SMYD3: variants seen among roughly 807,000 people sequenced by gnomAD.
SMYD3 encodes histone-lysine N-methyltransferase SMYD3.
A neutral mutation model predicts 57.7 loss-of-function variants in SMYD3; 36 were observed. The ratio of observed to expected loss-of-function variants is 0.62; its 90% confidence interval spans 0.48 to 0.82. SMYD3 has a LOEUF of 0.82. SMYD3 is among the 40% of genes least tolerant of loss of function. The pLI is 0.00. For synonymous variants in SMYD3, 211 were observed against 195.0 expected (o/e 1.08, Z -0.68); for missense variants, 515 against 538.8 (o/e 0.96, Z 0.44).
chr1:245,837,535 G>A (rs886849785), intron 10 of SMYD3, among the ~76,000 whole-genome samples: 3 of 152,108 alleles, frequency 2.0e-5, no homozygotes, highest in African/African-American at 4.8e-5. Context: ...ACGTACACGA[G>A]GGAAGAAGCA....
chr1:246,419,133 C>T (rs763506987), intron 1 of SMYD3, among the ~76,000 whole-genome samples: 1 of 152,184 alleles, frequency 6.6e-6, no homozygotes, highest in Non-Finnish European at 1.5e-5. Context: ...ATCCACCCCC[C>T]ACTAGCAAAA....
intron 5 of SMYD3, among the ~76,000 whole-genome samples, chr1:245,948,163 G>C (rs564922284): frequency 6.6e-6 from 1 of 152,296 alleles, no homozygotes; most frequent in South Asian, 2.1e-4. Context: ...AGTTAGGTAA[G>C]AGGGGCCTCA....
At chr1:246,307,271 A>G (rs949448865) in intron 5 of SMYD3, among the ~76,000 whole-genome samples, 2 of 152,190 alleles carry the variant, frequency 1.3e-5, no homozygotes, top group African/African-American at 2.4e-5. Context: ...AGTCACCTTA[A>G]GTGGCTCTTT....
intron 5 of SMYD3, among the ~76,000 whole-genome samples, chr1:246,298,288 GC>G (rs2064832336): frequency 6.6e-6 from 1 of 151,926 alleles, no homozygotes; most frequent in Non-Finnish European, 1.5e-5. Flanking sequence ...AAACATAAGT[GC>G]ATACTAATAT....
At chr1:246,363,918 TA>T (rs1461297610) in intron 1 of SMYD3, among the ~76,000 whole-genome samples, 1 of 150,750 alleles carries the variant, frequency 6.6e-6, no homozygotes, top group Non-Finnish European at 1.5e-5. Context: ...GAATGATCAA[TA>T]AAAAAATAAA....
chr1:245,837,764 C>G (rs1185248452), intron 10 of SMYD3, among the ~76,000 whole-genome samples: 1 of 152,166 alleles, frequency 6.6e-6, no homozygotes, highest in African/African-American at 2.4e-5. Context: ...GTTCAATCCT[C>G]TGAAACACTC....
chr1:245,771,920 C>T (rs761071409), intron 10 of SMYD3, among the ~76,000 whole-genome samples: 5 of 152,168 alleles, frequency 3.3e-5, no homozygotes, highest in African/African-American at 1.2e-4. Context: ...CCTCAGAACA[C>T]GGAGAACTAC....
In SMYD3 at chr1:245,948,803, G is replaced by A. The variant is rs532311020; in HGVS notation, c.532-18866C>T. Among the ~76,000 whole-genome samples, 19 of 152,242 alleles carry A rather than the reference G, an allele frequency of 1.2e-4. No homozygotes were observed. In the East Asian group the frequency reaches 3.7e-3, roughly 29 times the overall value. ...CCACCATGCACATACAAGTACCCTA[G>A]GACAGGTTAACCCACCTGCAGCCAC... On this transcript the variant is annotated intron_variant, in intron 5 of 11. Coordinates refer to ENST00000490107, the MANE Select transcript of SMYD3 (RefSeq NM_001167740.2).
At chr1:246,136,790 T>G (rs2061672129) in intron 5 of SMYD3, among the ~76,000 whole-genome samples, 1 of 152,204 alleles carries the variant, frequency 6.6e-6, no homozygotes, top group Non-Finnish European at 1.5e-5. Context: ...AGGCTGGAAC[T>G]AAGATGCAGA....
chr1:245,795,224 G>T (rs1316280817), intron 10 of SMYD3, among the ~76,000 whole-genome samples: 2 of 152,148 alleles, frequency 1.3e-5, no homozygotes, highest in African/African-American at 4.8e-5. Flanking sequence ...CTTGGCTCAG[G>T]CCCTGGTCAG....
intron 5 of SMYD3, among the ~76,000 whole-genome samples, chr1:246,265,526 A>G (rs1343519038): frequency 6.6e-6 from 1 of 152,188 alleles, no homozygotes; most frequent in Non-Finnish European, 1.5e-5. Context: ...AAGAGACAAG[A>G]GGCTGACTCC....
At chr1:246,151,783 C>T (rs1165357654) in intron 5 of SMYD3, among the ~76,000 whole-genome samples, 9 of 152,112 alleles carry the variant, frequency 5.9e-5, no homozygotes, top group Admixed American at 5.9e-4. Flanking sequence ...TGTGCATTCC[C>T]AAGGATTCAG....
intron 10 of SMYD3, among the ~76,000 whole-genome samples, chr1:245,771,021 A>G (rs2046309854): frequency 6.6e-6 from 1 of 151,904 alleles, no homozygotes. Flanking sequence ...GAGAAAGGAG[A>G]GAATGGGGCA....
At chr1:246,070,249 T>A (rs2060419799) in intron 5 of SMYD3, among the ~76,000 whole-genome samples, 1 of 152,198 alleles carries the variant, frequency 6.6e-6, no homozygotes, top group African/African-American at 2.4e-5. Flanking sequence ...ACTGATAACA[T>A]TCATCTTACT....
At chr1:246,281,160 T>G (rs2148571100) in intron 5 of SMYD3, among the ~76,000 whole-genome samples, 1 of 152,354 alleles carries the variant, frequency 6.6e-6, no homozygotes, top group Non-Finnish European at 1.5e-5. Flanking sequence ...GAGAATTCAA[T>G]TCTAGCATAT....
chr1:245,793,093 A>G (rs1379629439), intron 10 of SMYD3, among the ~76,000 whole-genome samples: 1 of 63,160 alleles, frequency 1.6e-5, no homozygotes, highest in Non-Finnish European at 3.7e-5. Flanking sequence ...GGTGATCACG[A>G]AATCAGGAGA....
chr1:245,885,478 A>G (rs973847404), intron 8 of SMYD3, among the ~76,000 whole-genome samples: 23 of 152,160 alleles, frequency 1.5e-4, no homozygotes, highest in Non-Finnish European at 3.1e-4. Flanking sequence ...AAAAGATGTG[A>G]TTTGGGGACT....
chr1:246,435,914 C>T (rs906263184), intron 1 of SMYD3, among the ~76,000 whole-genome samples: 2 of 152,138 alleles, frequency 1.3e-5, no homozygotes, highest in Admixed American at 6.5e-5. Context: ...TGCTACATTT[C>T]CCTGAAGGTT....
intron 2 of SMYD3, among the ~76,000 whole-genome samples, chr1:246,353,347 T>C (rs1029630920): frequency 1.3e-5 from 2 of 152,084 alleles, no homozygotes; most frequent in African/African-American, 4.8e-5. Context: ...GGGCAAACAG[T>C]GAGATCTCGT....
Sources: gnomAD v4.1 joint callset for allele counts (sites outside exome capture counted in the v4.1 genomes callset) on GRCh38, gnomAD v4.1.1 for gene constraint, MANE v1.5 for transcripts, NCBI Gene and HGNC (gene_info 2026-07-23, HGNC 2026-07-21) for gene names.